Variants in KCNH7 observed in about 807,000 individuals in gnomAD.
KCNH7 encodes voltage-gated inwardly rectifying potassium channel KCNH7.
A neutral mutation model predicts 120.8 loss-of-function variants in KCNH7; 49 were observed. The observed-to-expected ratio is 0.41, with a 90% confidence interval of 0.32 to 0.51. KCNH7 has a LOEUF of 0.51. Ranked by LOEUF, KCNH7 falls within the 20% of genes least tolerant of loss-of-function variation. The probability of loss-of-function intolerance (pLI) is 0.38; values close to 1 mark genes in which losing one functional copy is unlikely to be tolerated. For synonymous variants in KCNH7, 547 were observed against 516.1 expected (o/e 1.06, Z -0.81); for missense variants, 1,097 against 1,446.6 (o/e 0.76, Z 3.92).
chr2:162,679,185 A>G (rs937317000), intron 2 of KCNH7, among the ~76,000 whole-genome samples: 9 of 151,576 alleles, frequency 5.9e-5, no homozygotes, highest in African/African-American at 1.7e-4. Flanking sequence ...AGACCCCACT[A>G]AATAAGATTG....
At chr2:162,773,421 G>A (rs1171145185) in intron 2 of KCNH7, among the ~76,000 whole-genome samples, 2 of 152,128 alleles carry the variant, frequency 1.3e-5, no homozygotes, top group East Asian at 3.9e-4. Context: ...CCAGGAGGTG[G>A]AGGTTGCAGT....
intron 2 of KCNH7, among the ~76,000 whole-genome samples, chr2:162,552,407 A>C (rs1692699560): frequency 1.3e-5 from 2 of 152,188 alleles, no homozygotes; most frequent in South Asian, 4.1e-4. Context: ...CAAATGAAAA[A>C]TAAGAACAAA....
chr2:162,611,154 G>T (rs1172460079), intron 2 of KCNH7, among the ~76,000 whole-genome samples: 2 of 152,114 alleles, frequency 1.3e-5, no homozygotes, highest in Non-Finnish European at 2.9e-5. Context: ...AGAGCCAGGG[G>T]GCCCACCGTG....
chr2:162,705,286 A>G (rs972453899), intron 2 of KCNH7, among the ~76,000 whole-genome samples: 4 of 152,116 alleles, frequency 2.6e-5, no homozygotes, highest in Non-Finnish European at 5.9e-5. Flanking sequence ...TAGAGATACT[A>G]TCTGTTCACG....
chr2:162,753,402 T>C (rs1433893048), intron 2 of KCNH7, among the ~76,000 whole-genome samples: 1 of 152,148 alleles, frequency 6.6e-6, no homozygotes, highest in East Asian at 1.9e-4. Flanking sequence ...CACAGAAGCT[T>C]ATGAGATAGA....
chr2:162,642,828 G>C (rs893766575), intron 2 of KCNH7, among the ~76,000 whole-genome samples: 3 of 152,180 alleles, frequency 2.0e-5, no homozygotes, highest in African/African-American at 7.2e-5. Flanking sequence ...CAGGAGGCTG[G>C]AGGAAGCACT....
At chr2:162,697,540 G>A (rs962228564) in intron 2 of KCNH7, among the ~76,000 whole-genome samples, 2 of 152,116 alleles carry the variant, frequency 1.3e-5, no homozygotes, top group South Asian at 4.1e-4. Flanking sequence ...TAAAGTCAGG[G>A]TAATTGTTAT....
chr2:162,537,204 A>C, intron 2 of KCNH7, 124 bp from the exon 3 acceptor site: 1 of 690,074 alleles, frequency 1.4e-6, no homozygotes, highest in South Asian at 3.1e-5. Context: ...ATATTAAAAA[A>C]TAATTTGATC....
chr2:162,717,718 T>G (rs1687177753), intron 2 of KCNH7, among the ~76,000 whole-genome samples: 1 of 152,136 alleles, frequency 6.6e-6, no homozygotes, highest in African/African-American at 2.4e-5. Context: ...TATTTTCAGT[T>G]TCTTTCACTG....
chr2:162,606,202 AT>A (rs1253943922), intron 2 of KCNH7, among the ~76,000 whole-genome samples: 7 of 151,860 alleles, frequency 4.6e-5, no homozygotes, highest in Non-Finnish European at 8.8e-5. Context: ...TGGCCCATGA[AT>A]TTTTTTTCCA....
intron 2 of KCNH7, among the ~76,000 whole-genome samples, chr2:162,831,009 A>G (rs1056517953): frequency 2.9e-4 from 44 of 152,210 alleles, no homozygotes; most frequent in African/African-American, 1.1e-3. Flanking sequence ...TTCTGAAGCC[A>G]GCCAGTATCC....
chr2:162,697,310 A>C (rs1686328872), intron 2 of KCNH7, among the ~76,000 whole-genome samples: 1 of 152,192 alleles, frequency 6.6e-6, no homozygotes, highest in Admixed American at 6.5e-5. Flanking sequence ...AAAAGTGTGC[A>C]ATCAGCAAAA....
In KCNH7 at chr2:162,566,486, C is replaced by A. The variant is rs576681240; in HGVS notation, c.308-29406G>T. On this transcript the variant is annotated intron_variant, in intron 2 of 15. Coordinates refer to ENST00000332142, the MANE Select transcript of KCNH7 (RefSeq NM_033272.4). ...GCAATCACAAACTACCTGCTTAAAT[C>A]AAGTGAGTTGTCTTGAAAATATGAT... Among the ~76,000 whole-genome samples, 8 of 152,082 alleles carry A rather than the reference C, an allele frequency of 5.3e-5. No individual in the cohort carries two copies. In the East Asian group the frequency reaches 1.6e-3, roughly 29 times the overall value.
At chr2:162,411,609 T>C (rs79441315) in intron 9 of KCNH7, among the ~76,000 whole-genome samples, 2,520 of 151,598 alleles carry the variant, frequency 0.017, 69 homozygotes, top group African/African-American at 0.058. Context: ...AAAATAAAAG[T>C]GGAAGAAAGA....
At chr2:162,526,613 G>C (rs906874612) in intron 3 of KCNH7, among the ~76,000 whole-genome samples, 1 of 152,108 alleles carries the variant, frequency 6.6e-6, no homozygotes. Context: ...GAGAAATATG[G>C]CTCTGTTCCG....
intron 2 of KCNH7, among the ~76,000 whole-genome samples, chr2:162,642,947 A>G (rs1684218571): frequency 1.3e-5 from 2 of 152,228 alleles, no homozygotes; most frequent in African/African-American, 4.8e-5. Flanking sequence ...TATGGGCACT[A>G]GGGGAAATGT....
intron 7 of KCNH7, among the ~76,000 whole-genome samples, chr2:162,439,317 G>T (rs1487785187): frequency 2.6e-5 from 4 of 151,984 alleles, no homozygotes; most frequent in Non-Finnish European, 5.9e-5. Flanking sequence ...GAGCATAAAA[G>T]CTCACTAGAT....
At chr2:162,653,992 A>C (rs907910082) in intron 2 of KCNH7, among the ~76,000 whole-genome samples, 2 of 152,132 alleles carry the variant, frequency 1.3e-5, no homozygotes, top group African/African-American at 4.8e-5. Context: ...ACAAAAACCA[A>C]TTCAAAATGT....
chr2:162,837,192 G>T (rs1685692946), intron 1 of KCNH7, among the ~76,000 whole-genome samples: 1 of 152,114 alleles, frequency 6.6e-6, no homozygotes. Flanking sequence ...TTGGCCCTTT[G>T]AATACAACTT....
Sources: gnomAD v4.1 joint callset for allele counts (sites outside exome capture counted in the v4.1 genomes callset) on GRCh38, gnomAD v4.1.1 for gene constraint, MANE v1.5 for transcripts, NCBI Gene and HGNC (gene_info 2026-07-23, HGNC 2026-07-21) for gene names.